CDADC1: variants seen among roughly 807,000 people sequenced by gnomAD.
CDADC1 encodes the protein cytidine and dCMP deaminase domain containing 1.
CDADC1 carries 39 observed loss-of-function variants against 54.9 expected under a neutral mutation model. The observed-to-expected ratio is 0.71, with a 90% CI of 0.55 to 0.93. The LOEUF is 0.93. Among genes scored for constraint, CDADC1 ranks in the 40% least tolerant of loss-of-function variants. The probability of loss-of-function intolerance (pLI) is 0.00; values close to 1 mark genes in which losing one functional copy is unlikely to be tolerated. For synonymous variants in CDADC1, 186 were observed against 204.0 expected, an observed-to-expected ratio of 0.91 and a Z score of 0.75; for missense variants, 518 against 618.8, an observed-to-expected ratio of 0.84 and a Z score of 1.73.
intron 8 of CDADC1, among the ~76,000 whole-genome samples, chr13:49,282,160 C>T (rs776847843): frequency 6.6e-6 from 1 of 150,684 alleles, no homozygotes; most frequent in Non-Finnish European, 1.5e-5. Context: ...CAAAAATGTA[C>T]TGAGGTAGTT....
rs866043135 is a variant in CDADC1 at position 49,278,502 on chromosome 13, G to A, written c.1203G>A (p.Gln401=). 16 of 1,548,018 alleles carry A rather than the reference G, an allele frequency of 1.0e-5. 1 individual carries two copies. In the Middle Eastern group the frequency reaches 2.4e-3, roughly 234 times the overall value. ...TCAGATACATCATACATGCGGAACA[G>A]AATGCCTTGACATTTAGGTATGAAA... ...RKFRYIIHAE[Q]NALTFRCQEI... Residue 401 remains glutamine, a synonymous_variant, in exon 7 of 10, where the codon CAG becomes CAA. Transcript: ENST00000251108.
intron 1 of CDADC1, 69 bp downstream of exon 1, chr13:49,248,188 A>C: frequency 7.5e-7 from 1 of 1,331,158 alleles, no homozygotes; most frequent in Non-Finnish European, 1.0e-6. Context: ...CCGTCATTGA[A>C]CTCCAGATTC....
intron 4 of CDADC1, among the ~76,000 whole-genome samples, chr13:49,262,016 C>CT (rs1431802378): frequency 6.6e-6 from 1 of 152,284 alleles, no homozygotes; most frequent in East Asian, 1.9e-4. Flanking sequence ...GAACCCCATG[C>CT]TATAGCTAGA....
At chr13:49,248,462 C>A (rs896162234) in intron 1 of CDADC1, 2 of 340,708 alleles carry the variant, frequency 5.9e-6, no homozygotes, top group South Asian at 6.4e-5. Flanking sequence ...ACTGCTTTAC[C>A]GTCGAAGGTC....
chr13:49,288,740 A>G (rs1269518177), intron 9 of CDADC1, among the ~76,000 whole-genome samples: 1 of 152,220 alleles, frequency 6.6e-6, no homozygotes, highest in East Asian at 1.9e-4. Context: ...CAAACAGAGA[A>G]GGAAGGCAGG....
chr13:49,266,493 A>T (rs1952819047), intron 4 of CDADC1, among the ~76,000 whole-genome samples: 1 of 152,164 alleles, frequency 6.6e-6, no homozygotes, highest in South Asian at 2.1e-4. Context: ...TTGAAAAATG[A>T]TCTATTTAGT....
Position 49,278,523 on chromosome 13 carries a change from T to G in CDADC1, c.1220+4T>G, listed in dbSNP as rs373904309. The G allele has an allele frequency of 3.9e-5, 59 of 1,494,748 alleles. No homozygotes were observed. Among genetic ancestry groups the G allele is most frequent in the Non-Finnish European group, 5.1e-5 (56 of 1,101,246 alleles). The allele number at this position is 1,494,748 out of a possible 1,614,324, so 92.6% of individuals were successfully genotyped here. A position where few individuals can be genotyped will look rare whatever the true frequency, so the allele number is the denominator to read the frequency against. ...AACAGAATGCCTTGACATTTAGGTA[T>G]GAAATCCTTCTTGGTGTACTTTTCT... On this transcript the variant is annotated splice_donor_region_variant and intron_variant, in intron 7 of 9. Coordinates refer to ENST00000251108, the MANE Select transcript of CDADC1 (RefSeq NM_030911.4).
intron 2 of CDADC1, among the ~76,000 whole-genome samples, chr13:49,250,519 G>A (rs1000670335): frequency 6.6e-6 from 1 of 152,160 alleles, no homozygotes; most frequent in Non-Finnish European, 1.5e-5. Flanking sequence ...AAGGATTAGT[G>A]GACTTTTGCC....
chr13:49,286,159 TG>T, intron 8 of CDADC1, 62 bp from the exon 9 acceptor site: 1 of 1,262,610 alleles, frequency 7.9e-7, no homozygotes, highest in Non-Finnish European at 1.1e-6. Context: ...TTAAAATCAA[TG>T]TGCTGGAATG....
chr13:49,285,816 A>AT (rs144057270), intron 8 of CDADC1, among the ~76,000 whole-genome samples: 112 of 144,504 alleles, frequency 7.8e-4, no homozygotes, highest in Non-Finnish European at 9.7e-4. Context: ...TATTTTTTTA[A>AT]TTTTTTTTTT....
chr13:49,289,100 C>T (rs562653166), intron 9 of CDADC1, among the ~76,000 whole-genome samples: 130 of 140,500 alleles, frequency 9.3e-4, no homozygotes, highest in Non-Finnish European at 1.8e-3. Context: ...TAACATTGCA[C>T]GGAAGTAGCT....
At position 49,259,449 on chromosome 13, in the gene CDADC1, G is replaced by T. The variant is rs773203015; in HGVS notation, c.356G>T (p.Gly119Val). The T allele has an allele frequency of 6.2e-7, 1 of 1,614,028 alleles. No individual in the cohort carries two copies. Among genetic ancestry groups the T allele is most frequent in the Middle Eastern group, 1.6e-4 (1 of 6,062 alleles). ...GGGCAGATTGCTCTTATTAAACATGGGTCAAGGCTGAAAAACTGTGATCTT... is the reference window on the plus strand; with the variant it reads ...GGGCAGATTGCTCTTATTAAACATGTGTCAAGGCTGAAAAACTGTGATCTT... ...HAGQIALIKH[G>V]SRLKNCDLYF... Residue 119 changes from glycine to valine, a missense_variant, in exon 4 of 10, where the codon GGG (glycine) becomes GTG (valine). Transcript: ENST00000251108.
intron 9 of CDADC1, among the ~76,000 whole-genome samples, chr13:49,289,120 C>CT (rs66814830): frequency 0.31 from 18,693 of 61,114 alleles, 4,826 homozygotes; most frequent in East Asian, 0.51. Flanking sequence ...TTTTTTTTTG[C>CT]TTTTTTTTTT....
rs1387776925 is a variant in CDADC1, at chr13:49,291,974, TA to T, written c.*218del. 7.8e-7 allele frequency: 1 copy of T among 1,287,162 alleles called. No individual in the cohort carries two copies. The highest frequency in any genetic ancestry group is 1.5e-5 in the African/African-American group (1 of 66,360). The allele number at this position is 1,287,162 out of a possible 1,614,324, so 79.7% of individuals were successfully genotyped here. On this transcript the variant is annotated 3_prime_UTR_variant, in exon 10 of 10. Coordinates refer to ENST00000251108, the MANE Select transcript of CDADC1 (RefSeq NM_030911.4). ...TCCATAATGTAGTAGTGTGTTATTTTATTACACGAAATGAGGGAGCAATAAC... is the reference window on the plus strand; with the variant it reads ...TCCATAATGTAGTAGTGTGTTATTTTTTACACGAAATGAGGGAGCAATAAC...
chr13:49,252,351 G>C (rs1330136097), intron 2 of CDADC1, among the ~76,000 whole-genome samples: 1 of 152,206 alleles, frequency 6.6e-6, no homozygotes, highest in East Asian at 1.9e-4. Flanking sequence ...TGATCTGGGT[G>C]AAAGAGGCTT....
intron 7 of CDADC1, 88 bp downstream of exon 7, chr13:49,278,607 T>C (rs750527330): frequency 1.6e-5 from 17 of 1,036,606 alleles, no homozygotes; most frequent in Non-Finnish European, 2.3e-5. Flanking sequence ...TTTATTTCCT[T>C]TTTCAAATTC....
At chr13:49,275,689 TTATATATATATATATATATATATATATA>T (rs371106804) in intron 6 of CDADC1, among the ~76,000 whole-genome samples, 6 of 43,100 alleles carry the variant, frequency 1.4e-4, no homozygotes, top group Non-Finnish European at 2.0e-4. Context: ...TTTCTAGGTG[TTATATATATATATATATATATATATATA>T]TATATATATA....
intron 8 of CDADC1, among the ~76,000 whole-genome samples, chr13:49,285,237 G>A (rs184197905): frequency 1.2e-4 from 18 of 148,970 alleles, no homozygotes; most frequent in African/African-American, 4.5e-4. Flanking sequence ...GGAGTGCAGT[G>A]GTGCAATCTC....
intron 4 of CDADC1, among the ~76,000 whole-genome samples, chr13:49,264,838 C>G: frequency 6.6e-6 from 1 of 152,008 alleles, no homozygotes; most frequent in Non-Finnish European, 1.5e-5. Context: ...TAAGTCTTTT[C>G]AAGTTTAACT....
Sources: gnomAD v4.1 joint callset for allele counts (sites outside exome capture counted in the v4.1 genomes callset) on GRCh38, gnomAD v4.1.1 for gene constraint, MANE v1.5 for transcripts, NCBI Gene and HGNC (gene_info 2026-07-23, HGNC 2026-07-21) for gene names.